PRTG: variants seen among roughly 807,000 people sequenced by gnomAD.
The protein encoded by PRTG is protogenin.
A neutral mutation model predicts 122.5 loss-of-function variants in PRTG; 67 were observed. The observed-to-expected ratio is 0.55, with a 90% CI of 0.45 to 0.67. The LOEUF is 0.67. Among genes scored for constraint, PRTG ranks in the 30% least tolerant of loss-of-function variants. PRTG has a pLI of 0.00. For synonymous variants in PRTG, 554 were observed against 501.1 expected (o/e 1.11, Z -1.41); for missense variants, 1,435 against 1,415.4 (o/e 1.01, Z -0.22).
chr15:55,675,817 G>T, intron 8 of PRTG, 134 bp from the exon 9 acceptor site: 1 of 482,084 alleles, frequency 2.1e-6, no homozygotes, highest in Non-Finnish European at 3.7e-6. Context: ...TTTACAAAAT[G>T]TGAACAGGAA....
chr15:55,680,301 A>G lies in PRTG; in HGVS notation c.815-89T>C, dbSNP rs1311472984. 6.1e-5 allele frequency: 74 copies of G among 1,210,936 alleles called. No individual in the cohort carries two copies. The East Asian group carries it at 1.9e-3, about 30-fold the overall frequency. 75.0% of individuals were successfully genotyped at this position (1,210,936 alleles called of 1,614,324 possible). Reference sequence around the variant, plus strand: ...ACCACTATCCAAGCAATCAATCATGAAAAGTATAAAATTAAATATAAAATT... The same window carrying G: ...ACCACTATCCAAGCAATCAATCATGGAAAGTATAAAATTAAATATAAAATT... On this transcript the variant is annotated intron_variant, in intron 5 of 19. Coordinates refer to ENST00000389286, the MANE Select transcript of PRTG (RefSeq NM_173814.6).
chr15:55,683,735 T>C, intron 3 of PRTG, 52 bp downstream of exon 3: 1 of 1,481,816 alleles, frequency 6.7e-7, no homozygotes, highest in Non-Finnish European at 9.3e-7. Context: ...TAATCTCATA[T>C]GAAGTCTTCA....
chr15:55,733,372 T>C (rs1188278448), intron 2 of PRTG, among the ~76,000 whole-genome samples: 2 of 151,218 alleles, frequency 1.3e-5, no homozygotes, highest in East Asian at 3.9e-4. Context: ...TAGCCAGGCA[T>C]GGTGGCGCAT....
At chr15:55,640,225 G>C in intron 12 of PRTG, among the ~76,000 whole-genome samples, 1 of 152,100 alleles carries the variant, frequency 6.6e-6, no homozygotes, top group Non-Finnish European at 1.5e-5. Flanking sequence ...TAAATACTGT[G>C]GGCAACTGTA....
intron 2 of PRTG, among the ~76,000 whole-genome samples, chr15:55,707,008 C>T (rs1430714637): frequency 1.3e-5 from 2 of 152,172 alleles, no homozygotes; most frequent in Non-Finnish European, 2.9e-5. Flanking sequence ...GCCCAGGTGA[C>T]TTGCATGGAC....
At chr15:55,715,859 G>A (rs1270188122) in intron 2 of PRTG, among the ~76,000 whole-genome samples, 1 of 152,208 alleles carries the variant, frequency 6.6e-6, no homozygotes, top group African/African-American at 2.4e-5. Flanking sequence ...GAGAAACTTT[G>A]TGATAAGACA....
chr15:55,666,309 T>G (rs1237731735), intron 11 of PRTG, among the ~76,000 whole-genome samples: 1 of 152,246 alleles, frequency 6.6e-6, no homozygotes, highest in Non-Finnish European at 1.5e-5. Flanking sequence ...CTCACTCTTA[T>G]GACCTCATTT....
At chr15:55,741,038 G>A (rs1195420843) in intron 1 of PRTG, among the ~76,000 whole-genome samples, 2 of 152,216 alleles carry the variant, frequency 1.3e-5, no homozygotes, top group African/African-American at 2.4e-5. Context: ...CTTGAACAGA[G>A]TAAGTCGTAA....
chr15:55,726,445 A>C (rs1006545857), intron 2 of PRTG, among the ~76,000 whole-genome samples: 1 of 152,180 alleles, frequency 6.6e-6, no homozygotes, highest in Non-Finnish European at 1.5e-5. Context: ...GCAAATGGTA[A>C]GTAACCAAGA....
rs1035093426 is a variant in PRTG, at chr15:55,615,872, A to G, written c.*4140T>C. ...ATATTTTCAATTCCAAATTCTTGTGACACGATCTGAATTGTTTTCAAAGGT... is the reference window on the plus strand; with the variant it reads ...ATATTTTCAATTCCAAATTCTTGTGGCACGATCTGAATTGTTTTCAAAGGT... On this transcript the variant is annotated 3_prime_UTR_variant, in exon 20 of 20. Coordinates refer to ENST00000389286, the MANE Select transcript of PRTG (RefSeq NM_173814.6). 3.9e-5 allele frequency: 6 copies of G among 152,122 alleles called. No individual in the cohort carries two copies. Among genetic ancestry groups the G allele is most frequent in the Admixed American group, 3.3e-4 (5 of 15,264 alleles). The allele number at this position is 152,122 out of a possible 1,614,324, so 9.4% of individuals were successfully genotyped here.
chr15:55,620,628 C>G (rs1329309769), intron 19 of PRTG, 35 bp downstream of exon 19: 1 of 1,559,034 alleles, frequency 6.4e-7, no homozygotes, highest in East Asian at 2.3e-5. Context: ...ATATATCACG[C>G]ATTGCCAAAA....
At chr15:55,658,459 G>A (rs912160077) in intron 11 of PRTG, among the ~76,000 whole-genome samples, 8 of 152,052 alleles carry the variant, frequency 5.3e-5, no homozygotes, top group African/African-American at 1.9e-4. Context: ...GGGACTGCAG[G>A]TGCATGCACC....
At chr15:55,629,819 ATT>A (rs563897634) in intron 15 of PRTG, among the ~76,000 whole-genome samples, 15 of 140,010 alleles carry the variant, frequency 1.1e-4, no homozygotes, top group Admixed American at 1.4e-4. Context: ...TACTGGTCTA[ATT>A]TTTTTTTTTT....
chr15:55,724,522 G>A (rs2030953281), intron 2 of PRTG, among the ~76,000 whole-genome samples: 4 of 152,068 alleles, frequency 2.6e-5, no homozygotes. Flanking sequence ...AGGCCAGCAT[G>A]GGCATACCTC....
intron 15 of PRTG, 129 bp downstream of exon 15, chr15:55,637,041 G>T: frequency 1.2e-6 from 1 of 802,888 alleles, no homozygotes; most frequent in Middle Eastern, 4.1e-4. Context: ...TTTGAACAAA[G>T]CCAAAATCTT....
chr15:55,690,790 T>C (rs931514801), intron 2 of PRTG, among the ~76,000 whole-genome samples: 7 of 152,328 alleles, frequency 4.6e-5, no homozygotes, highest in Middle Eastern at 6.8e-3. Context: ...TTAACATTTA[T>C]TGCCAGTGCT....
chr15:55,673,298 C>T (rs1595637953), intron 10 of PRTG, 73 bp downstream of exon 10: 1 of 845,168 alleles, frequency 1.2e-6, no homozygotes. Context: ...AAAATATAAA[C>T]ATAATTTAGA....
At chr15:55,675,387 T>C (rs2059496726) in intron 9 of PRTG, 132 bp downstream of exon 9, 2 of 574,964 alleles carry the variant, frequency 3.5e-6, no homozygotes, top group Non-Finnish European at 5.7e-6. Flanking sequence ...GAGTGAGATT[T>C]TGAACGGCAA....
At chr15:55,620,911 G>A in intron 18 of PRTG, 144 bp from the exon 19 acceptor site, 1 of 729,260 alleles carries the variant, frequency 1.4e-6, no homozygotes, top group Non-Finnish European at 2.1e-6. Flanking sequence ...GGGAGTACAT[G>A]TGCATGTTTG....
Sources: allele counts gnomAD v4.1 joint callset (sites outside exome capture counted in the v4.1 genomes callset), GRCh38; gene constraint gnomAD v4.1.1; transcripts MANE v1.5; gene names NCBI Gene and HGNC (gene_info 2026-07-23, HGNC 2026-07-21).